Variants in HTR7 observed in about 807,000 individuals in gnomAD.
HTR7 encodes the protein 5-HT-7.
A neutral mutation model predicts 34.0 loss-of-function variants in HTR7; 16 were observed. The ratio of observed to expected loss-of-function variants is 0.47; its 90% CI spans 0.32 to 0.71. HTR7 has a LOEUF of 0.71. Among genes scored for constraint, HTR7 ranks in the 30% least tolerant of loss-of-function variants. The pLI is 0.04. For synonymous variants in HTR7, 265 were observed against 260.2 expected, an observed-to-expected ratio of 1.02 and a Z score of -0.18; for missense variants, 504 against 625.5, an observed-to-expected ratio of 0.81 and a Z score of 2.07.
At chr10:90,771,906 A>G (rs1165665705) in intron 1 of HTR7, among the ~76,000 whole-genome samples, 4 of 152,188 alleles carry the variant, frequency 2.6e-5, no homozygotes, top group Non-Finnish European at 5.9e-5. Flanking sequence ...TAACAAAATG[A>G]GAGATTAAAA....
chr10:90,853,295 T>C (rs1448831046), intron 1 of HTR7, among the ~76,000 whole-genome samples: 1 of 150,182 alleles, frequency 6.7e-6, no homozygotes, highest in Non-Finnish European at 1.5e-5. Flanking sequence ...TTCTTTTTTT[T>C]TTTTTTTTAA....
intron 1 of HTR7, among the ~76,000 whole-genome samples, chr10:90,819,976 T>C (rs1845953485): frequency 6.6e-6 from 1 of 152,230 alleles, no homozygotes; most frequent in South Asian, 2.1e-4. Flanking sequence ...TATAATAGCT[T>C]AAATGCTCTT....
chr10:90,856,847 C>T (rs1360948603), intron 1 of HTR7, among the ~76,000 whole-genome samples: 3 of 152,194 alleles, frequency 2.0e-5, no homozygotes, highest in Non-Finnish European at 4.4e-5. Flanking sequence ...AGGCAAGGGA[C>T]CCGCTGGTGG....
At chr10:90,756,823 C>A (rs982689571) in intron 1 of HTR7, among the ~76,000 whole-genome samples, 1 of 151,028 alleles carries the variant, frequency 6.6e-6, no homozygotes, top group African/African-American at 2.4e-5. Flanking sequence ...AAAACACCAC[C>A]AAGGAAAACC....
chr10:90,777,283 C>A (rs1016507613), intron 1 of HTR7, among the ~76,000 whole-genome samples: 3 of 151,958 alleles, frequency 2.0e-5, no homozygotes, highest in Non-Finnish European at 4.4e-5. Context: ...GGGTTTGAGA[C>A]CAGCCTGACC....
chr10:90,851,199 G>A (rs1846492971), intron 1 of HTR7, among the ~76,000 whole-genome samples: 1 of 152,162 alleles, frequency 6.6e-6, no homozygotes, highest in South Asian at 2.1e-4. Flanking sequence ...TTGGCTAATG[G>A]CTGATTTTTC....
At chr10:90,835,108 G>C (rs921591217) in intron 1 of HTR7, among the ~76,000 whole-genome samples, 1 of 152,170 alleles carries the variant, frequency 6.6e-6, no homozygotes, top group Non-Finnish European at 1.5e-5. Flanking sequence ...CTGGAGATAA[G>C]GTTAGAGTTC....
intron 1 of HTR7, among the ~76,000 whole-genome samples, chr10:90,760,725 C>T (rs1224304155): frequency 6.6e-6 from 1 of 151,964 alleles, no homozygotes; most frequent in Non-Finnish European, 1.5e-5. Context: ...ACTAAAAATA[C>T]AGGAGATTAG....
rs1440800748 is a variant in HTR7, at chr10:90,857,696, T to C, written c.-25A>G. 1 of 1,481,676 alleles carries C rather than the reference T, an allele frequency of 6.7e-7. No homozygotes were observed. The highest frequency in any genetic ancestry group is 8.9e-7 in the Non-Finnish European group (1 of 1,129,888). The allele number at this position is 1,481,676 out of a possible 1,614,324, so 91.8% of individuals were successfully genotyped here. ...TCGCGCCGCCGTGTGCCGCTGCCCA[T>C]GGAGCCGGCGCCCCGGCCACGCGCC... On this transcript the variant is annotated 5_prime_UTR_variant, in exon 1 of 4. The change abolishes an upstream ATG in the 5' untranslated region. Coordinates refer to ENST00000336152, the MANE Select transcript of HTR7 (RefSeq NM_019859.4). The surrounding 1 kb of genome is among the most constrained non-coding windows in gnomAD (Gnocchi z 6.5).
At chr10:90,773,224 G>A (rs1564676930) in intron 1 of HTR7, among the ~76,000 whole-genome samples, 1 of 152,160 alleles carries the variant, frequency 6.6e-6, no homozygotes, top group Non-Finnish European at 1.5e-5. Context: ...GAAGCAACCA[G>A]CTACACTGTG....
In HTR7 at chr10:90,749,607, T is replaced by C. The variant is rs762324366; in HGVS notation, c.540-13A>G. The C allele has an allele frequency of 2.2e-5, 35 of 1,594,198 alleles. No individual in the cohort carries two copies. Among genetic ancestry groups the C allele is most frequent in the Non-Finnish European group, 3.0e-5 (35 of 1,168,834 alleles). The stretch of plus-strand genomic sequence containing the variant: ...GATCCCAAGGTACCTAGTGGAGAGA[T>C]GGAAAGATAACAGATGAACACCGTG... On this transcript the variant is annotated splice_polypyrimidine_tract_variant and intron_variant, in intron 1 of 3. Coordinates refer to ENST00000336152, the MANE Select transcript of HTR7 (RefSeq NM_019859.4). The surrounding 1 kb of genome is among the most constrained non-coding windows in gnomAD (Gnocchi z 4.2).
chr10:90,816,442 C>A (rs1179262831), intron 1 of HTR7, among the ~76,000 whole-genome samples: 1 of 152,108 alleles, frequency 6.6e-6, no homozygotes, highest in East Asian at 1.9e-4. Context: ...AACTATAACA[C>A]AATTATTATT....
intron 1 of HTR7, among the ~76,000 whole-genome samples, chr10:90,846,762 G>T (rs1383040054): frequency 6.6e-6 from 1 of 152,236 alleles, no homozygotes. Flanking sequence ...AGCTGTAAGG[G>T]AGGCTAAGAA....
intron 1 of HTR7, among the ~76,000 whole-genome samples, chr10:90,797,328 A>G (rs753820391): frequency 2.6e-5 from 4 of 152,210 alleles, no homozygotes; most frequent in Admixed American, 6.5e-5. Context: ...TCTGGCTCCA[A>G]TGTATTCCTG....
intron 1 of HTR7, among the ~76,000 whole-genome samples, chr10:90,759,632 G>C (rs1404876562): frequency 7.1e-6 from 1 of 140,634 alleles, no homozygotes; most frequent in Non-Finnish European, 1.5e-5. Flanking sequence ...TCCGCAGTCC[G>C]GCCTGGGCGA....
chr10:90,784,356 TTAGGCAAGCA>T (rs1220259365), intron 1 of HTR7, among the ~76,000 whole-genome samples: 10 of 152,180 alleles, frequency 6.6e-5, no homozygotes, highest in Non-Finnish European at 1.5e-4. Context: ...CTAATCCTTC[TTAGGCAAGCA>T]TCCCAGAGCA....
chr10:90,837,242 A>G (rs1846267533), intron 1 of HTR7, among the ~76,000 whole-genome samples: 1 of 152,240 alleles, frequency 6.6e-6, no homozygotes, highest in Admixed American at 6.5e-5. Flanking sequence ...CATTCATTCA[A>G]CTAAAATGTG....
intron 1 of HTR7, among the ~76,000 whole-genome samples, chr10:90,770,149 G>GGGGAGGGCACCTGCA (rs1184708783): frequency 6.6e-6 from 1 of 152,222 alleles, no homozygotes; most frequent in African/African-American, 2.4e-5. Context: ...CCGCACCTGC[G>GGGGAGGGCACCTGCA]GGGAGGGCAC....
At chr10:90,786,936 G>A (rs1379294489) in intron 1 of HTR7, among the ~76,000 whole-genome samples, 1 of 152,152 alleles carries the variant, frequency 6.6e-6, no homozygotes, top group East Asian at 1.9e-4. Context: ...CTGCGTTACT[G>A]CATTTTCTCA....
Sources: allele counts gnomAD v4.1 joint callset (sites outside exome capture counted in the v4.1 genomes callset), GRCh38; gene constraint gnomAD v4.1.1; non-coding constraint Gnocchi (gnomAD v3.1); transcripts MANE v1.5; gene names NCBI Gene and HGNC (gene_info 2026-07-23, HGNC 2026-07-21).